The following HLCS variants were observed in gnomAD, a reference collection of about 807,000 sequenced individuals.
The protein encoded by HLCS is holocarboxylase synthetase, also known as biotin--protein ligase.
HLCS carries 53 observed loss-of-function variants against 75.0 expected under a neutral mutation model. That is an observed-to-expected ratio of 0.71 (90% CI 0.57 to 0.89). The LOEUF (loss-of-function observed/expected upper bound fraction) is 0.89. HLCS is among the 40% of genes least tolerant of loss of function. The pLI is 0.00. For missense variants in HLCS, 966 were observed against 1,074.0 expected (o/e 0.90, Z 1.41); for synonymous variants, 431 against 428.6 (o/e 1.01, Z -0.07).
chr21:36,820,302 C>T lies in HLCS; in HGVS notation c.1893-53017G>A, dbSNP rs777310751. Among the ~76,000 whole-genome samples the T allele has an allele frequency of 2.2e-3, 342 of 152,346 alleles. 2 individuals are homozygous for T. Among genetic ancestry groups the T allele is most frequent in the Non-Finnish European group, 3.9e-3 (264 of 68,018 alleles). On this transcript the variant is annotated intron_variant, in intron 6 of 10. Transcript: ENST00000674895. The stretch of plus-strand genomic sequence containing the variant: ...AGGAACTGGGAACAGGTGAGAGCCA[C>T]GCCCCCTTCCGAGTTGAAGGGGCTG...
intron 5 of HLCS, among the ~76,000 whole-genome samples, chr21:36,910,856 C>CA (rs2065674275): frequency 6.6e-6 from 1 of 152,102 alleles, no homozygotes; most frequent in Non-Finnish European, 1.5e-5. Context: ...CATGAGTTCC[C>CA]AAAACTGCTG....
At chr21:36,882,543 C>T (rs887471735) in intron 6 of HLCS, among the ~76,000 whole-genome samples, 2 of 151,768 alleles carry the variant, frequency 1.3e-5, no homozygotes, top group African/African-American at 4.8e-5. Flanking sequence ...TGGGTTCAAG[C>T]AATTCTCCTG....
chr21:36,902,968 G>A (rs533903745), intron 5 of HLCS, among the ~76,000 whole-genome samples: 38 of 152,300 alleles, frequency 2.5e-4, no homozygotes, highest in Non-Finnish European at 4.4e-4. Flanking sequence ...CTGGAGACAG[G>A]AAGATAAATA....
Position 36,928,786 on chromosome 21 carries a change from A to G in HLCS, c.1620+1465T>C, listed in dbSNP as rs539262878. 2.0e-5 allele frequency among the ~76,000 whole-genome samples: 3 copies of G among 152,300 alleles called. No individual in the cohort carries two copies. The South Asian group carries it at 6.2e-4, about 32-fold the overall frequency. On this transcript the variant is annotated intron_variant, in intron 5 of 10. Transcript: ENST00000674895. The stretch of plus-strand genomic sequence containing the variant: ...CTGAAAATAATTATTTTCCAAAGTT[A>G]TTATGTAATAAGGGGCTTAGTAGGG...
intron 2 of HLCS, among the ~76,000 whole-genome samples, chr21:36,944,794 C>T (rs576861588): frequency 6.6e-6 from 1 of 152,242 alleles, no homozygotes; most frequent in East Asian, 1.9e-4. Context: ...TTCACGTAGT[C>T]ACCAGGGTAA....
chr21:36,927,251 C>T (rs139178222), intron 5 of HLCS, among the ~76,000 whole-genome samples: 222 of 152,342 alleles, frequency 1.5e-3, no homozygotes, highest in African/African-American at 5.1e-3. Flanking sequence ...CTCTTGGTAT[C>T]GTGCACAGTG....
chr21:36,884,450 A>C (rs2146284161), intron 6 of HLCS, among the ~76,000 whole-genome samples: 1 of 152,348 alleles, frequency 6.6e-6, no homozygotes, highest in East Asian at 1.9e-4. Context: ...GACTTCTAAT[A>C]AACTCAGGCT....
chr21:36,973,406 T>C (rs1274179722), intron 1 of HLCS, among the ~76,000 whole-genome samples: 1 of 122,332 alleles, frequency 8.2e-6, no homozygotes, highest in Non-Finnish European at 1.9e-5. Flanking sequence ...AAAAACAGAC[T>C]GTACCCAGCT....
intron 6 of HLCS, among the ~76,000 whole-genome samples, chr21:36,790,119 T>C (rs2060812381): frequency 6.6e-6 from 1 of 152,134 alleles, no homozygotes; most frequent in Non-Finnish European, 1.5e-5. Flanking sequence ...TTAAAAACCG[T>C]TTTGGGCCTG....
At chr21:36,868,127 G>A (rs948016912) in intron 6 of HLCS, among the ~76,000 whole-genome samples, 26 of 150,070 alleles carry the variant, frequency 1.7e-4, no homozygotes, top group African/African-American at 6.2e-4. Flanking sequence ...TCCAGCCTGG[G>A]CCACAGAGCA....
chr21:36,982,698 C>T (rs758490232), intron 1 of HLCS, among the ~76,000 whole-genome samples: 12 of 152,174 alleles, frequency 7.9e-5, no homozygotes, highest in Admixed American at 2.0e-4. Context: ...GGATTAGACC[C>T]ATGAATCCTA....
chr21:36,855,255 G>T (rs909133298), intron 6 of HLCS, among the ~76,000 whole-genome samples: 1 of 152,072 alleles, frequency 6.6e-6, no homozygotes, highest in African/African-American at 2.4e-5. Context: ...AGTTGGCCAC[G>T]CATGGTGGCT....
At chr21:36,880,856 C>T (rs890576310) in intron 6 of HLCS, among the ~76,000 whole-genome samples, 5 of 152,140 alleles carry the variant, frequency 3.3e-5, no homozygotes, top group Non-Finnish European at 4.4e-5. Flanking sequence ...GCGTGGGAGC[C>T]GAGGGGCATT....
chr21:36,812,879 T>G (rs1368291830), intron 6 of HLCS, among the ~76,000 whole-genome samples: 1 of 152,110 alleles, frequency 6.6e-6, no homozygotes, highest in Non-Finnish European at 1.5e-5. Context: ...GGCAACAAAG[T>G]GAGACCCTGC....
chr21:36,888,704 T>C (rs1329830162), intron 6 of HLCS, among the ~76,000 whole-genome samples: 3 of 150,248 alleles, frequency 2.0e-5, no homozygotes, highest in East Asian at 3.9e-4. Context: ...TCAAAGGAGG[T>C]GAGCTGAAGA....
Position 36,818,890 on chromosome 21 carries a change from G to A in HLCS, c.1893-51605C>T, listed in dbSNP as rs141547323. Among the ~76,000 whole-genome samples the A allele has an allele frequency of 8.3e-3, 1,263 of 152,202 alleles. 8 individuals are homozygous for A. Among genetic ancestry groups the A allele is most frequent in the African/African-American group, 0.029 (1,187 of 41,510 alleles). ...CCATCTCCAGAAGACAGTTCATAGCGGTGGGCCTAATATTGACTGGAAATT... is the reference window on the plus strand; with the variant it reads ...CCATCTCCAGAAGACAGTTCATAGCAGTGGGCCTAATATTGACTGGAAATT... On this transcript the variant is annotated intron_variant, in intron 6 of 10. Coordinates refer to ENST00000674895, the MANE Select transcript of HLCS (RefSeq NM_001352514.2).
At chr21:36,885,070 A>C (rs1187625560) in intron 6 of HLCS, among the ~76,000 whole-genome samples, 2 of 152,248 alleles carry the variant, frequency 1.3e-5, no homozygotes, top group Non-Finnish European at 2.9e-5. Context: ...AAACACAAAC[A>C]TGGACAACTG....
chr21:36,975,732 C>T (rs1422810580), intron 1 of HLCS, among the ~76,000 whole-genome samples: 3 of 152,064 alleles, frequency 2.0e-5, no homozygotes, highest in Non-Finnish European at 4.4e-5. Flanking sequence ...ATGTTCATAC[C>T]ACTGCACTCC....
intron 6 of HLCS, among the ~76,000 whole-genome samples, chr21:36,781,619 A>G: frequency 6.6e-6 from 1 of 152,176 alleles, no homozygotes; most frequent in East Asian, 1.9e-4. Flanking sequence ...TGTTTGAGTT[A>G]GAGAATCACT....
Sources: gnomAD v4.1 joint callset for allele counts (sites outside exome capture counted in the v4.1 genomes callset) on GRCh38, gnomAD v4.1.1 for gene constraint, MANE v1.5 for transcripts, NCBI Gene and HGNC (gene_info 2026-07-23, HGNC 2026-07-21) for gene names.